CELSR1: variants seen among roughly 807,000 people sequenced by gnomAD.
The protein encoded by CELSR1 is adhesion G protein-coupled receptor C1.
In CELSR1, 110 loss-of-function variants were observed where a neutral mutation model predicts 249.1. The observed-to-expected ratio is 0.44, with a 90% confidence interval of 0.38 to 0.52. The LOEUF is 0.52. Ranked by LOEUF, CELSR1 falls within the 20% of genes least tolerant of loss-of-function variation. The probability of loss-of-function intolerance (pLI) is 0.00; values close to 1 mark genes in which losing one functional copy is unlikely to be tolerated. For synonymous variants in CELSR1, 2,113 were observed against 1,900.0 expected (o/e 1.11, Z -2.92); for missense variants, 4,109 against 4,296.4 (o/e 0.96, Z 1.22).
intron 1 of CELSR1, among the ~76,000 whole-genome samples, chr22:46,498,839 A>C (rs1277178313): frequency 1.3e-5 from 2 of 152,008 alleles, no homozygotes; most frequent in African/African-American, 4.8e-5. Flanking sequence ...TTAACTCAAT[A>C]AATTAAAGAG....
At position 46,398,904 on chromosome 22, in the gene CELSR1, G is replaced by A. The variant is rs1392652036; in HGVS notation, c.5413-267C>T. ...GCCAGTGGGGTCAACGTGGGCAACT[G>A]TCCCGCCTCCGTCAAGGGCACAACA... On this transcript the variant is annotated intron_variant, in intron 10 of 34. Transcript: ENST00000674500. This position sits in a 1 kb window ranked among gnomAD's most constrained non-coding sequence, Gnocchi z 7.2. Among the ~76,000 whole-genome samples, 9 of 152,208 alleles carry A rather than the reference G, an allele frequency of 5.9e-5. No homozygotes were observed. The highest frequency in any genetic ancestry group is 1.7e-4 in the African/African-American group (7 of 41,456).
intron 5 of CELSR1, among the ~76,000 whole-genome samples, chr22:46,418,410 G>A (rs766166334): frequency 3.3e-5 from 5 of 152,142 alleles, no homozygotes; most frequent in African/African-American, 4.8e-5. Flanking sequence ...GCTTGAACCC[G>A]GGAGACGGAG....
In CELSR1 at chr22:46,433,465, G is replaced by C. The variant is rs149884316; in HGVS notation, c.4539C>G (p.Thr1513=). The change falls in exon 5 of 35, where the codon ACC becomes ACG. Residue 1513 remains threonine, a synonymous_variant. Coordinates refer to ENST00000674500, the MANE Select transcript of CELSR1 (RefSeq NM_001378328.1). The surrounding 1 kb of genome is among the most constrained non-coding windows in gnomAD (Gnocchi z 5.7). ...CACCACTGGGAACCTTCGGTGCCACGGTCGTTGTTGTCTCGCCTGCATGGT... is the reference window on the plus strand; with the variant it reads ...CACCACTGGGAACCTTCGGTGCCACCGTCGTTGTTGTCTCGCCTGCATGGT... ...LTFSAGETTT[T]VAPKVPSGVS... 1.9e-6 allele frequency: 3 copies of C among 1,613,764 alleles called. No homozygotes were observed. The highest frequency in any genetic ancestry group is 1.7e-5 in the Admixed American group (1 of 59,974).
intron 4 of CELSR1, among the ~76,000 whole-genome samples, chr22:46,435,140 C>G (rs577609425): frequency 6.6e-6 from 1 of 151,518 alleles, no homozygotes; most frequent in South Asian, 2.1e-4. Context: ...TTAAAAGAGA[C>G]AGAGTCTCGC....
rs952594877 is a variant in CELSR1, at chr22:46,437,054, C to T, written c.4407-765G>A. On this transcript the variant is annotated intron_variant, in intron 3 of 34. Transcript: ENST00000674500. This position sits in a 1 kb window ranked among gnomAD's most constrained non-coding sequence, Gnocchi z 4.9. ...TCCAGAACCCAAAGAAGATCTGGTC[C>T]ATATCAGTGCTTAATATGGGCTGTT... Among the ~76,000 whole-genome samples, 13 of 152,186 alleles carry T rather than the reference C, an allele frequency of 8.5e-5. No individual in the cohort carries two copies. The highest frequency in any genetic ancestry group is 3.1e-4 in the African/African-American group (13 of 41,452).
In CELSR1 at chr22:46,381,553, G is replaced by A. The variant is rs1038045448; in HGVS notation, c.7088+293C>T. ...GCCAGGTGTGTGGGGACAGAATGGGGTCCCTCTGGGCACAAGATGGGGTGT... is the reference window on the plus strand; with the variant it reads ...GCCAGGTGTGTGGGGACAGAATGGGATCCCTCTGGGCACAAGATGGGGTGT... On this transcript the variant is annotated intron_variant, in intron 21 of 34. Transcript: ENST00000674500. The surrounding 1 kb of genome is among the most constrained non-coding windows in gnomAD (Gnocchi z 6.0). Among the ~76,000 whole-genome samples the A allele has an allele frequency of 9.2e-5, 14 of 152,318 alleles. No homozygotes were observed. Among genetic ancestry groups the A allele is most frequent in the Middle Eastern group, 3.4e-3 (1 of 294 alleles).
At chr22:46,474,668 C>T (rs1031164520) in intron 1 of CELSR1, among the ~76,000 whole-genome samples, 3 of 152,096 alleles carry the variant, frequency 2.0e-5, no homozygotes, top group Non-Finnish European at 4.4e-5. Context: ...AATAGAGCAA[C>T]AGAACTTATT....
intron 20 of CELSR1, among the ~76,000 whole-genome samples, chr22:46,382,487 A>G (rs943080659): frequency 2.6e-5 from 4 of 152,148 alleles, no homozygotes; most frequent in Non-Finnish European, 5.9e-5. Flanking sequence ...CTTGTTAGCC[A>G]GGATGGTCTC....
Position 46,382,832 on chromosome 22 carries a change from A to G in CELSR1, c.6884-782T>C, listed in dbSNP as rs190413898. ...AATATCGTGTGACTCCTCTTACAGG[A>G]GGTCCCTAGAGGAGTCAAATTCAAA... On this transcript the variant is annotated intron_variant, in intron 20 of 34. Coordinates refer to ENST00000674500, the MANE Select transcript of CELSR1 (RefSeq NM_001378328.1). Among the ~76,000 whole-genome samples the G allele has an allele frequency of 8.6e-3, 1,309 of 152,314 alleles. 18 individuals carry two copies. The highest frequency in any genetic ancestry group is 0.029 in the African/African-American group (1,208 of 41,570).
At position 46,367,793 on chromosome 22, in the gene CELSR1, A is replaced by G; in HGVS notation, c.8015T>C (p.Leu2672Pro). The change falls in exon 28 of 35, where the codon CTG (leucine) becomes CCG (proline). Residue 2672 changes from leucine (L) to proline (P), a missense_variant. Leu to Pro is a moderately conservative substitution (Grantham distance 98, BLOSUM62 -3). This residue lies in a region of CELSR1 where 1,805 missense variants were observed against 1,831.6 expected (regional missense o/e 0.99). Transcript: ENST00000674500. ...CAGTGCATCGCGGTTCACAGCCAGC[A>G]GCCCCAGCAGCCAGGTGGCGCTGAT... is the stretch of plus-strand genomic sequence containing the variant. ...LLISATWLLG[L>P]LAVNRDALSF... is the part of the protein sequence containing the mutation. The G allele has an allele frequency of 6.2e-7, 1 of 1,611,596 alleles. No individual in the cohort carries two copies. The highest frequency in any genetic ancestry group is 8.5e-7 in the Non-Finnish European group (1 of 1,179,582).
chr22:46,510,533 G>A (rs909700564), intron 1 of CELSR1, among the ~76,000 whole-genome samples: 10 of 152,206 alleles, frequency 6.6e-5, no homozygotes, highest in African/African-American at 2.4e-4. Context: ...GACAACCCCT[G>A]CCAACAGGAG....
intron 9 of CELSR1, among the ~76,000 whole-genome samples, chr22:46,404,665 T>G (rs1042702313): frequency 1.3e-5 from 2 of 152,124 alleles, no homozygotes; most frequent in African/African-American, 4.8e-5. Context: ...ATTTTTGTAT[T>G]TTTAGTAGAA....
Position 46,478,630 on chromosome 22 carries a change from C to A in CELSR1, c.3545-14285G>T, listed in dbSNP as rs1225019370. Among the ~76,000 whole-genome samples the A allele has an allele frequency of 6.6e-5, 10 of 151,950 alleles. No homozygotes were observed. The South Asian group carries it at 1.9e-3, about 28-fold the overall frequency. ...CGATCTCGGCTCACTGCAACCTCTG[C>A]CTCCCGGGTTCAAGCGATTCTCCTG... On this transcript the variant is annotated intron_variant, in intron 1 of 34. Transcript: ENST00000674500.
rs147170986 is a variant in CELSR1 at position 46,373,338 on chromosome 22, C to G, written c.7585-281G>C. Among the ~76,000 whole-genome samples the G allele has an allele frequency of 6.8e-4, 104 of 151,896 alleles. 3 individuals are homozygous for G. The East Asian group carries it at 0.017, about 24-fold the overall frequency. On this transcript the variant is annotated intron_variant, in intron 24 of 34. Transcript: ENST00000674500. ...AGAGACTAGTCTCTGAGGCCATGAA[C>G]ACAAACCCAGTCCCACATGCCCCGG...
chr22:46,432,121 C>A (rs2079602417), intron 5 of CELSR1, among the ~76,000 whole-genome samples: 2 of 152,214 alleles, frequency 1.3e-5, no homozygotes, highest in Non-Finnish European at 2.9e-5. Context: ...AAACTATGGT[C>A]TCTGTGCAGG....
chr22:46,416,270 C>T (rs560796300), intron 5 of CELSR1, among the ~76,000 whole-genome samples: 2 of 152,244 alleles, frequency 1.3e-5, no homozygotes, highest in Non-Finnish European at 1.5e-5. Context: ...TGGAAAGCGC[C>T]GGGCACAGGA....
intron 2 of CELSR1, among the ~76,000 whole-genome samples, chr22:46,459,275 G>A (rs551582736): frequency 2.6e-5 from 4 of 152,230 alleles, no homozygotes; most frequent in African/African-American, 9.6e-5. Flanking sequence ...TCAAAACCGA[G>A]TCCTAAGGCC....
chr22:46,474,327 G>C (rs1353345790), intron 1 of CELSR1, among the ~76,000 whole-genome samples: 1 of 152,000 alleles, frequency 6.6e-6, no homozygotes, highest in Non-Finnish European at 1.5e-5. Flanking sequence ...CTCCTCTTTG[G>C]AATCCAAGTC....
intron 25 of CELSR1, among the ~76,000 whole-genome samples, chr22:46,371,196 G>A (rs2078847560): frequency 6.6e-6 from 1 of 152,162 alleles, no homozygotes. Context: ...CTTAGAGTAA[G>A]GGAGATGAGT....
Sources: gnomAD v4.1 joint callset for allele counts (sites outside exome capture counted in the v4.1 genomes callset) on GRCh38, gnomAD v4.1.1 for gene constraint, gnomAD v4.1.1 regional missense constraint, Gnocchi (gnomAD v3.1) non-coding constraint, MANE v1.5 for transcripts, NCBI Gene and HGNC (gene_info 2026-07-23, HGNC 2026-07-21) for gene names.